SLMAP: variants seen among roughly 807,000 people sequenced by gnomAD.
SLMAP encodes sarcolemma associated protein.
Under a neutral mutation model 128.8 loss-of-function variants are expected in SLMAP, and 44 were observed. The ratio of observed to expected loss-of-function variants is 0.34; its 90% CI spans 0.27 to 0.44. The LOEUF is 0.44. SLMAP is among the 20% of genes least tolerant of loss of function. The pLI, the probability that SLMAP is intolerant of heterozygous loss-of-function variation, is 1.00. For synonymous variants in SLMAP, 327 were observed against 348.8 expected, an observed-to-expected ratio of 0.94 and a Z score of 0.70; for missense variants, 787 against 985.3, an observed-to-expected ratio of 0.80 and a Z score of 2.69.
At chr3:57,820,644 T>C (rs1170480373) in intron 2 of SLMAP, among the ~76,000 whole-genome samples, 1 of 152,224 alleles carries the variant, frequency 6.6e-6, no homozygotes, top group African/African-American at 2.4e-5. Flanking sequence ...CATTGTAGAA[T>C]TGATTCTGCC....
intron 14 of SLMAP, among the ~76,000 whole-genome samples, chr3:57,885,071 ATTT>A (rs543338432): frequency 2.8e-5 from 4 of 142,070 alleles, no homozygotes; most frequent in Non-Finnish European, 3.1e-5. Flanking sequence ...AGAAGCAGAA[ATTT>A]TTTTTTTTTT....
chr3:57,807,730 G>T (rs1274878535), intron 2 of SLMAP, among the ~76,000 whole-genome samples: 2 of 151,710 alleles, frequency 1.3e-5, no homozygotes, highest in Non-Finnish European at 3.0e-5. Flanking sequence ...ATGGCCTGAA[G>T]TTTTCTTTTT....
intron 17 of SLMAP, chr3:57,899,383 T>C (rs1318477465): frequency 6.6e-6 from 1 of 152,156 alleles, no homozygotes; most frequent in African/African-American, 2.4e-5. Flanking sequence ...CAGGTGCCAT[T>C]GATGAAGATG....
intron 14 of SLMAP, among the ~76,000 whole-genome samples, chr3:57,888,953 C>T (rs1055481411): frequency 3.3e-5 from 5 of 151,742 alleles, no homozygotes; most frequent in Non-Finnish European, 7.4e-5. Flanking sequence ...GGCGCCATCT[C>T]TGCTCACTGC....
At chr3:57,848,524 CTT>C in intron 5 of SLMAP, among the ~76,000 whole-genome samples, 1 of 148,050 alleles carries the variant, frequency 6.8e-6, no homozygotes, top group South Asian at 2.1e-4. Flanking sequence ...CTTCTTCCTT[CTT>C]TCTCCTTCTT....
chr3:57,831,751 G>A (rs2093351532), intron 3 of SLMAP, among the ~76,000 whole-genome samples: 1 of 152,138 alleles, frequency 6.6e-6, no homozygotes, highest in South Asian at 2.1e-4. Flanking sequence ...ATCACAGTCA[G>A]GGACCAGTCA....
rs141408793 is a variant in SLMAP at position 57,859,546 on chromosome 3, C to A, written c.688-1153C>A. 4.3e-3 allele frequency among the ~76,000 whole-genome samples: 653 copies of A among 152,100 alleles called. 2 individuals are homozygous for A. The highest frequency in any genetic ancestry group is 0.014 in the Middle Eastern group (4 of 294). ...CTCCAGCCTTGGTGACAAAGAGAGA[C>A]CCTGTCTCTAAAAAAACGAAAAAAG... is the stretch of plus-strand genomic sequence containing the variant. On this transcript the variant is annotated intron_variant, in intron 8 of 24. Coordinates refer to ENST00000671191, the MANE Select transcript of SLMAP (RefSeq NM_001377540.1).
chr3:57,864,636 A>C lies in SLMAP; in HGVS notation c.1055A>C (p.Lys352Thr). 1 of 1,599,026 alleles carries C rather than the reference A, an allele frequency of 6.3e-7. No homozygotes were observed. The stretch of plus-strand genomic sequence containing the variant: ...CATAAAATAGATGAAATGGAAGAAA[A>C]AGAACAGGAGCTCCAGGCAAAAATA... The part of the protein sequence containing the change: ...LQHKIDEMEE[K>T]EQELQAKIEA... Residue 352 changes from lysine to threonine, a missense_variant, in exon 11 of 25, where the codon AAA becomes ACA. This residue lies in a region of SLMAP where 715 missense variants were observed against 843.6 expected (regional missense o/e 0.85). Transcript: ENST00000671191.
intron 2 of SLMAP, among the ~76,000 whole-genome samples, chr3:57,822,460 G>T (rs560673750): frequency 3.3e-5 from 5 of 152,268 alleles, no homozygotes; most frequent in African/African-American, 9.6e-5. Context: ...TACTGAGCTC[G>T]CATGAACTGT....
At chr3:57,806,533 G>A (rs555639815) in intron 2 of SLMAP, among the ~76,000 whole-genome samples, 2 of 152,230 alleles carry the variant, frequency 1.3e-5, no homozygotes, top group Non-Finnish European at 2.9e-5. Context: ...CGCCTCCCGG[G>A]TTCAAGCAAT....
intron 2 of SLMAP, among the ~76,000 whole-genome samples, chr3:57,818,254 C>T (rs1426594336): frequency 6.6e-6 from 1 of 152,150 alleles, no homozygotes; most frequent in African/African-American, 2.4e-5. Flanking sequence ...CTCCCGGGTT[C>T]AAGCGATTCT....
intron 9 of SLMAP, among the ~76,000 whole-genome samples, chr3:57,861,291 G>T (rs1356635067): frequency 6.6e-6 from 1 of 152,094 alleles, no homozygotes; most frequent in East Asian, 1.9e-4. Flanking sequence ...TCATCTCCAA[G>T]GTCCTTTCTA....
chr3:57,850,696 C>A (rs1317328830), intron 6 of SLMAP, among the ~76,000 whole-genome samples: 2 of 152,242 alleles, frequency 1.3e-5, no homozygotes, highest in African/African-American at 4.8e-5. Flanking sequence ...TGCAGTGGTA[C>A]AATCTCAGCT....
At chr3:57,847,354 A>C in intron 5 of SLMAP, 121 bp downstream of exon 5, 1 of 602,522 alleles carries the variant, frequency 1.7e-6, no homozygotes, top group South Asian at 2.4e-5. Context: ...TGTAGAATGC[A>C]TATAGCTATA....
chr3:57,890,436 A>G (rs2096032023), intron 15 of SLMAP: 1 of 200,558 alleles, frequency 5.0e-6, no homozygotes, highest in African/African-American at 2.3e-5. Context: ...ATCAAACACA[A>G]TGTAAGTCGT....
At chr3:57,791,865 T>C (rs2085536729) in intron 2 of SLMAP, among the ~76,000 whole-genome samples, 1 of 152,138 alleles carries the variant, frequency 6.6e-6, no homozygotes, top group Admixed American at 6.5e-5. Flanking sequence ...ATCTCAAATT[T>C]TGCTTGATAT....
intron 2 of SLMAP, among the ~76,000 whole-genome samples, chr3:57,770,203 T>C (rs900795671): frequency 2.6e-5 from 4 of 152,176 alleles, no homozygotes; most frequent in African/African-American, 4.8e-5. Flanking sequence ...TGGAAAAATA[T>C]AATTACGATA....
intron 2 of SLMAP, among the ~76,000 whole-genome samples, chr3:57,798,259 CTGTT>C (rs562080997): frequency 4.5e-4 from 66 of 148,256 alleles, no homozygotes; most frequent in Admixed American, 1.3e-3. Context: ...CTGAAGCTGT[CTGTT>C]TGTGAAGTAG....
In SLMAP at chr3:57,860,849, TCAA is replaced by T; in HGVS notation, c.828+11_828+13del. On this transcript the variant is annotated intron_variant, in intron 9 of 24. Transcript: ENST00000671191. Reference sequence around the variant, plus strand: ...ACTTTCAGAAGTTGAGGTATTTCAATCAAAAAAAAAATACTAAATAGTATTATG... The same window carrying T: ...ACTTTCAGAAGTTGAGGTATTTCAATAAAAAAAATACTAAATAGTATTATG... The T allele has an allele frequency of 6.8e-7, 1 of 1,471,844 alleles. No individual in the cohort carries two copies. The highest frequency in any genetic ancestry group is 9.2e-7 in the Non-Finnish European group (1 of 1,089,042). The allele number at this position is 1,471,844 out of a possible 1,614,324, so 91.2% of individuals were successfully genotyped here.
Sources: gnomAD v4.1 joint callset for allele counts (sites outside exome capture counted in the v4.1 genomes callset) on GRCh38, gnomAD v4.1.1 for gene constraint, gnomAD v4.1.1 regional missense constraint, MANE v1.5 for transcripts, NCBI Gene and HGNC (gene_info 2026-07-23, HGNC 2026-07-21) for gene names.